CNTN5: variants seen among roughly 807,000 people sequenced by gnomAD.
CNTN5 encodes the protein contactin 5.
CNTN5 carries 77 observed loss-of-function variants against 129.1 expected under a neutral mutation model. The ratio of observed to expected loss-of-function variants is 0.60; its 90% CI spans 0.50 to 0.72. The LOEUF (loss-of-function observed/expected upper bound fraction) is 0.72. CNTN5 is among the 30% of genes least tolerant of loss of function. The pLI, the probability that CNTN5 is intolerant of heterozygous loss-of-function variation, is 0.00. For synonymous variants in CNTN5, 509 were observed against 465.6 expected (o/e 1.09, Z -1.20); for missense variants, 1,478 against 1,328.8 (o/e 1.11, Z -1.75).
At chr11:99,370,815 T>G (rs1939774675) in intron 2 of CNTN5, among the ~76,000 whole-genome samples, 1 of 152,224 alleles carries the variant, frequency 6.6e-6, no homozygotes, top group Non-Finnish European at 1.5e-5. Flanking sequence ...GAAATGAGTT[T>G]CTGAACTTTG....
intron 1 of CNTN5, among the ~76,000 whole-genome samples, chr11:99,292,172 T>C (rs1443873319): frequency 6.6e-6 from 1 of 151,678 alleles, no homozygotes; most frequent in Non-Finnish European, 1.5e-5. Flanking sequence ...AATGTATATA[T>C]TGATGGTCCT....
intron 4 of CNTN5, among the ~76,000 whole-genome samples, chr11:99,835,415 G>T (rs1947271561): frequency 6.6e-6 from 1 of 152,148 alleles, no homozygotes; most frequent in Non-Finnish European, 1.5e-5. Context: ...GGCAGGAGGT[G>T]CCCAACTTCT....
intron 18 of CNTN5, among the ~76,000 whole-genome samples, chr11:100,284,834 A>G (rs1263987898): frequency 6.6e-6 from 1 of 152,234 alleles, no homozygotes; most frequent in East Asian, 1.9e-4. Flanking sequence ...ACACACATGA[A>G]TAAATATACA....
intron 3 of CNTN5, among the ~76,000 whole-genome samples, chr11:99,796,111 C>G (rs1348869880): frequency 1.3e-5 from 2 of 152,130 alleles, no homozygotes; most frequent in African/African-American, 2.4e-5. Context: ...CATCTGTGCA[C>G]TCAATCACAC....
At chr11:99,433,107 A>G (rs1036911472) in intron 2 of CNTN5, among the ~76,000 whole-genome samples, 3 of 152,064 alleles carry the variant, frequency 2.0e-5, no homozygotes, top group African/African-American at 7.2e-5. Context: ...AAATTTTGAA[A>G]GCAGCCTGAG....
intron 11 of CNTN5, among the ~76,000 whole-genome samples, chr11:100,070,855 CTG>C (rs774834280): frequency 1.3e-5 from 2 of 151,964 alleles, no homozygotes; most frequent in Non-Finnish European, 2.9e-5. Context: ...TTTCTTTAAA[CTG>C]TTTTCAATCC....
At chr11:99,792,573 G>GTGTGTGTGTGTGTGTGTCTGTCTGTC (rs34622017) in intron 3 of CNTN5, among the ~76,000 whole-genome samples, 2 of 116,686 alleles carry the variant, frequency 1.7e-5, no homozygotes, top group African/African-American at 7.3e-5. Flanking sequence ...GTGTGTGTGT[G>GTGTGTGTGTGTGTGTGTCTGTCTGTC]TGTCTGTCTG....
chr11:99,492,440 T>C (rs925369258), intron 2 of CNTN5, among the ~76,000 whole-genome samples: 1 of 152,226 alleles, frequency 6.6e-6, no homozygotes, highest in African/African-American at 2.4e-5. Flanking sequence ...CATTCTTTTT[T>C]CTTTGTAGCT....
At chr11:100,025,782 C>T (rs1941388684) in intron 9 of CNTN5, among the ~76,000 whole-genome samples, 1 of 152,166 alleles carries the variant, frequency 6.6e-6, no homozygotes, top group African/African-American at 2.4e-5. Context: ...TTGTTTCAGC[C>T]AATTTCTCCC....
intron 3 of CNTN5, among the ~76,000 whole-genome samples, chr11:99,627,869 TC>T (rs146162437): frequency 6.6e-6 from 1 of 151,184 alleles, no homozygotes; most frequent in East Asian, 1.9e-4. Context: ...TGCAGATTAT[TC>T]CCCTGTTCCT....
At chr11:99,695,520 A>G (rs886454261) in intron 3 of CNTN5, among the ~76,000 whole-genome samples, 3 of 152,116 alleles carry the variant, frequency 2.0e-5, no homozygotes, top group Non-Finnish European at 4.4e-5. Flanking sequence ...CAATTTTAGG[A>G]ATGAGTATAA....
At chr11:100,260,496 A>G (rs976249726) in intron 17 of CNTN5, among the ~76,000 whole-genome samples, 1 of 152,234 alleles carries the variant, frequency 6.6e-6, no homozygotes, top group Non-Finnish European at 1.5e-5. Flanking sequence ...CAACAAAAAA[A>G]GAAAATTTCA....
chr11:99,328,504 A>G (rs1865873156), intron 2 of CNTN5, among the ~76,000 whole-genome samples: 1 of 152,158 alleles, frequency 6.6e-6, no homozygotes, highest in Non-Finnish European at 1.5e-5. Context: ...TTAACTACAC[A>G]TATAGTTTTT....
At chr11:100,251,835 T>C (rs1245134183) in intron 16 of CNTN5, among the ~76,000 whole-genome samples, 2 of 152,176 alleles carry the variant, frequency 1.3e-5, no homozygotes, top group Non-Finnish European at 2.9e-5. Context: ...GACTCCTAGG[T>C]TGATTCCATA....
intron 7 of CNTN5, among the ~76,000 whole-genome samples, chr11:99,920,086 T>G (rs1949898862): frequency 6.6e-6 from 1 of 152,180 alleles, no homozygotes; most frequent in Non-Finnish European, 1.5e-5. Context: ...GTTTGTTGCT[T>G]TATATTGCTG....
intron 13 of CNTN5, among the ~76,000 whole-genome samples, chr11:100,133,519 A>G (rs1946436229): frequency 6.6e-6 from 1 of 152,118 alleles, no homozygotes; most frequent in Non-Finnish European, 1.5e-5. Context: ...CACAGCTACA[A>G]AGAAAATATA....
chr11:100,024,963 AG>A (rs1941345181), intron 9 of CNTN5, among the ~76,000 whole-genome samples: 4 of 152,198 alleles, frequency 2.6e-5, no homozygotes, highest in Admixed American at 2.0e-4. Context: ...CCATTTTCTG[AG>A]GGGAAATTCA....
chr11:100,169,968 T>G (rs1947773912), intron 13 of CNTN5, among the ~76,000 whole-genome samples: 1 of 151,990 alleles, frequency 6.6e-6, no homozygotes, highest in Non-Finnish European at 1.5e-5. Context: ...CCAGATTCTG[T>G]GTAGGTATTT....
intron 3 of CNTN5, among the ~76,000 whole-genome samples, chr11:99,635,701 T>C (rs2135818868): frequency 6.6e-6 from 1 of 152,184 alleles, no homozygotes. Flanking sequence ...AAATGTCCTT[T>C]AAATGACAGC....
Sources: gnomAD v4.1 joint callset for allele counts (sites outside exome capture counted in the v4.1 genomes callset) on GRCh38, gnomAD v4.1.1 for gene constraint, MANE v1.5 for transcripts, NCBI Gene and HGNC (gene_info 2026-07-23, HGNC 2026-07-21) for gene names.